MICU3: variants seen among roughly 807,000 people sequenced by gnomAD.
MICU3 encodes the protein mitochondrial calcium uptake 3.
A neutral mutation model predicts 66.5 loss-of-function variants in MICU3; 62 were observed. That is an observed-to-expected ratio of 0.93 (90% confidence interval 0.76 to 1.15). The LOEUF is 1.15. MICU3 is among the 50% of genes most tolerant of loss of function. The pLI, the probability that MICU3 is intolerant of heterozygous loss-of-function variation, is 0.00. For missense variants in MICU3, 779 were observed against 664.4 expected (o/e 1.17, Z -1.90); for synonymous variants, 308 against 240.7 (o/e 1.28, Z -2.59).
chr8:17,038,286 C>A (rs1247204090), intron 1 of MICU3, among the ~76,000 whole-genome samples: 1 of 151,998 alleles, frequency 6.6e-6, no homozygotes, highest in Non-Finnish European at 1.5e-5. Flanking sequence ...ATAATTGAAT[C>A]GTGGGGGTGG....
chr8:17,060,335 C>T (rs934343547), intron 1 of MICU3, among the ~76,000 whole-genome samples: 2 of 150,666 alleles, frequency 1.3e-5, no homozygotes, highest in South Asian at 2.1e-4. Flanking sequence ...CTCGTGCTGT[C>T]GATTAGGCTG....
Position 17,098,685 on chromosome 8 carries a change from T to C in MICU3, c.984+132T>C, listed in dbSNP as rs1021068494. On this transcript the variant is annotated intron_variant, in intron 9 of 14. Transcript: ENST00000318063. ...TCCATTGTTTTAGTACAGCAAAAAT[T>C]ACTATATATAAACTGTGTATTTGAA... The C allele has an allele frequency of 1.3e-5, 8 of 634,042 alleles. No homozygotes were observed. In the African/African-American group the frequency reaches 1.5e-4, roughly 12 times the overall value. 39.3% of individuals were successfully genotyped at this position (634,042 alleles called of 1,614,324 possible).
At chr8:17,057,470 G>A (rs955421428) in intron 1 of MICU3, among the ~76,000 whole-genome samples, 1 of 152,052 alleles carries the variant, frequency 6.6e-6, no homozygotes, top group African/African-American at 2.4e-5. Flanking sequence ...GGTTCAAACA[G>A]TATTAATTAT....
In MICU3 at chr8:17,120,276, T is replaced by A. The variant is rs929105806; in HGVS notation, c.*1-12T>A. ...TAAATATTGCTTTTGTGTTATTATT[T>A]TTTTTAATTAGATACTCCTAAAACA... is the stretch of plus-strand genomic sequence containing the variant. On this transcript the variant is annotated splice_polypyrimidine_tract_variant and intron_variant, in intron 14 of 14. Coordinates refer to ENST00000318063, the MANE Select transcript of MICU3 (RefSeq NM_181723.3). The A allele has an allele frequency of 3.9e-5, 6 of 152,180 alleles. No homozygotes were observed. The highest frequency in any genetic ancestry group is 1.4e-4 in the African/African-American group (6 of 41,450). The allele number at this position is 152,180 out of a possible 1,614,324, so 9.4% of individuals were successfully genotyped here.
At chr8:17,087,778 C>T (rs80045767) in intron 7 of MICU3, among the ~76,000 whole-genome samples, 1,881 of 152,132 alleles carry the variant, frequency 0.012, 28 homozygotes, top group Non-Finnish European at 0.017. Context: ...TATTAAATGG[C>T]AAAGCCAAAG....
intron 1 of MICU3, among the ~76,000 whole-genome samples, chr8:17,054,779 G>T (rs1263268965): frequency 1.0e-4 from 13 of 126,620 alleles, no homozygotes; most frequent in African/African-American, 3.7e-4. Context: ...TTGCTCTGTC[G>T]CCAGGCTGGA....
rs193216327 is a variant in MICU3 at position 17,120,725 on chromosome 8, C to T, written c.*438C>T. 2.0e-5 allele frequency: 3 copies of T among 152,404 alleles called. No homozygotes were observed. The highest frequency in any genetic ancestry group is 2.0e-4 in the Admixed American group (3 of 15,272). The allele number at this position is 152,404 out of a possible 1,614,324, so 9.4% of individuals were successfully genotyped here. A position where few individuals can be genotyped will look rare whatever the true frequency, so the allele number is the denominator to read the frequency against. On this transcript the variant is annotated 3_prime_UTR_variant, in exon 15 of 15. Coordinates refer to ENST00000318063, the MANE Select transcript of MICU3 (RefSeq NM_181723.3). The stretch of plus-strand genomic sequence containing the variant: ...TGATTTTGGACTGTGAACTTATTTT[C>T]AGAGATGAATATTGCTTGAGATTTA...
At chr8:17,128,355 A>G in the MICU3 span, among the ~76,000 whole-genome samples, 1 of 152,180 alleles carries the variant, frequency 6.6e-6, no homozygotes, top group Admixed American at 6.5e-5. Context: ...AAATCCAGAT[A>G]AAGGTAGCCA....
chr8:17,128,057 G>C, the MICU3 span, among the ~76,000 whole-genome samples: 95 of 152,204 alleles, frequency 6.2e-4, 1 homozygote, highest in African/African-American at 2.2e-3. Flanking sequence ...TGGAATGGTT[G>C]GGAGCCTGCG....
At position 17,064,165 on chromosome 8, in the gene MICU3, A is replaced by G. The variant is rs746990587; in HGVS notation, c.463A>G (p.Ile155Val). ...RERRFRLFAS[I>V]ECEGQLFMTP... ...GAGGCGATTTCGTTTATTTGCTTCT[A>G]TAGAATGTGAAGGGCAGTTATTCAT... The change falls in exon 2 of 15, where the codon ATA (isoleucine) becomes GTA (valine). Residue 155 changes from isoleucine (I) to valine (V), a missense_variant. Physicochemically the swap from Ile to Val is conservative, Grantham distance 29. Coordinates refer to ENST00000318063, the MANE Select transcript of MICU3 (RefSeq NM_181723.3). 6 of 1,613,430 alleles carry G rather than the reference A, an allele frequency of 3.7e-6. No homozygotes were observed. The highest frequency in any genetic ancestry group is 4.2e-6 in the Non-Finnish European group (5 of 1,179,516).
chr8:17,027,369 G>A lies in MICU3; in HGVS notation c.90G>A (p.Arg30=), dbSNP rs568147819. Residue 30 remains arginine (R), a synonymous_variant, in exon 1 of 15, where the codon CGG becomes CGA. Coordinates refer to ENST00000318063, the MANE Select transcript of MICU3 (RefSeq NM_181723.3). ...AGCCCCTCCTTGGGCCGTGGGGGCG[G>A]CCTGCGGTGACCACCCTGGGCCTTC... ...AHQPLLGPWG[R]PAVTTLGLPG... is the part of the protein sequence containing the mutation. 1 of 1,494,318 alleles carries A rather than the reference G, an allele frequency of 6.7e-7. No individual in the cohort carries two copies. The highest frequency in any genetic ancestry group is 8.8e-7 in the Non-Finnish European group (1 of 1,131,432). 92.6% of individuals were successfully genotyped at this position (1,494,318 alleles called of 1,614,324 possible).
chr8:17,059,121 CT>C (rs1211677239), intron 1 of MICU3, among the ~76,000 whole-genome samples: 1 of 152,128 alleles, frequency 6.6e-6, no homozygotes, highest in South Asian at 2.1e-4. Context: ...ACTATATAAG[CT>C]TAAAAGAATG....
intron 1 of MICU3, among the ~76,000 whole-genome samples, chr8:17,048,571 A>G (rs1815504365): frequency 6.6e-6 from 1 of 152,208 alleles, no homozygotes; most frequent in Non-Finnish European, 1.5e-5. Flanking sequence ...CTACAATTCA[A>G]GATGAGATTT....
rs1168425111 is a variant in MICU3 at position 17,061,890 on chromosome 8, C to G, written c.382-2194C>G. ...GCTGTTCAGTATCTCATGTCTCACC[C>G]ACGGCAGGGCCAAAACAATTTTCCA... On this transcript the variant is annotated intron_variant, in intron 1 of 14. Transcript: ENST00000318063. 3.3e-5 allele frequency among the ~76,000 whole-genome samples: 5 copies of G among 152,148 alleles called. No homozygotes were observed. In the East Asian group the frequency reaches 9.6e-4, roughly 29 times the overall value.
chr8:17,136,411 G>T, the MICU3 span, among the ~76,000 whole-genome samples: 4 of 152,050 alleles, frequency 2.6e-5, no homozygotes, highest in African/African-American at 9.7e-5. Context: ...TCATGGCCTT[G>T]TGACCACCGC....
the MICU3 span, chr8:17,132,251 A>G: frequency 6.6e-6 from 1 of 152,312 alleles, no homozygotes; most frequent in South Asian, 2.1e-4. Context: ...GCAAAAAAGG[A>G]AATATTCAAA....
intron 1 of MICU3, among the ~76,000 whole-genome samples, chr8:17,031,869 AT>A (rs1812130230): frequency 6.6e-6 from 1 of 152,046 alleles, no homozygotes; most frequent in Admixed American, 6.6e-5. Context: ...GACTCTATAG[AT>A]TTGTTGAAAT....
At chr8:17,043,932 A>G (rs1182688673) in intron 1 of MICU3, among the ~76,000 whole-genome samples, 1 of 152,238 alleles carries the variant, frequency 6.6e-6, no homozygotes, top group African/African-American at 2.4e-5. Context: ...AATGTGTATT[A>G]AATAGTGAAC....
intron 3 of MICU3, among the ~76,000 whole-genome samples, chr8:17,070,178 A>G (rs1819338467): frequency 6.6e-6 from 1 of 152,026 alleles, no homozygotes; most frequent in South Asian, 2.1e-4. Flanking sequence ...TCTTGCTTAT[A>G]TGCAGGAGAG....
Sources: allele counts gnomAD v4.1 joint callset (sites outside exome capture counted in the v4.1 genomes callset), GRCh38; gene constraint gnomAD v4.1.1; transcripts MANE v1.5; gene names NCBI Gene and HGNC (gene_info 2026-07-23, HGNC 2026-07-21).